SEPSECS: variants seen among roughly 807,000 people sequenced by gnomAD.
SEPSECS encodes O-phosphoseryl-tRNA(Sec) selenium transferase.
A neutral mutation model predicts 52.1 loss-of-function variants in SEPSECS; 42 were observed. The ratio of observed to expected loss-of-function variants is 0.81; its 90% CI spans 0.63 to 1.04. SEPSECS has a LOEUF of 1.04. SEPSECS is among the 50% of genes least tolerant of loss of function. The probability of loss-of-function intolerance (pLI) is 0.00; values close to 1 mark genes in which losing one functional copy is unlikely to be tolerated. For synonymous variants in SEPSECS, 216 were observed against 211.4 expected (o/e 1.02, Z -0.19); for missense variants, 590 against 610.6 (o/e 0.97, Z 0.36).
At position 25,156,178 on chromosome 4, in the gene SEPSECS, T is replaced by C. The variant is rs750746886; in HGVS notation, c.406A>G (p.Asn136Asp). ...IKLAGVHTVA[N>D]CFVVPMATGM... Reference sequence around the variant, plus strand: ...GTTGCCATAGGAACTACAAAGCAGTTGGCTACTGTATGGACACCTACAAAT... The same window carrying C: ...GTTGCCATAGGAACTACAAAGCAGTCGGCTACTGTATGGACACCTACAAAT... The change falls in exon 4 of 11, where the codon AAC becomes GAC. Residue 136 changes from asparagine (N) to aspartate (D), a missense_variant. Physicochemically the swap from Asn to Asp is conservative, Grantham distance 23. Coordinates refer to ENST00000382103, the MANE Select transcript of SEPSECS (RefSeq NM_016955.4). 1.2e-6 allele frequency: 2 copies of C among 1,613,950 alleles called. No homozygotes were observed. Among genetic ancestry groups the C allele is most frequent in the Non-Finnish European group, 1.7e-6 (2 of 1,179,982 alleles).
chr4:25,160,349 C>T lies in SEPSECS; in HGVS notation c.21G>A (p.Ala7=), dbSNP rs1210264987. The change falls in exon 1 of 11, where the codon GCG becomes GCA. Residue 7 remains alanine (A), a synonymous_variant. Coordinates refer to ENST00000382103, the MANE Select transcript of SEPSECS (RefSeq NM_016955.4). The part of the protein sequence containing the change: MNRESF[A]AGERLVSPAY... ...CCGGCGACACCAGCCGCTCTCCCGC[C>T]GCGAAGCTCTCGCGGTTCATGACAG... The T allele has an allele frequency of 6.5e-7, 1 of 1,548,704 alleles. No individual in the cohort carries two copies. Among genetic ancestry groups the T allele is most frequent in the Non-Finnish European group, 8.7e-7 (1 of 1,145,542 alleles).
At chr4:25,128,115 C>T (rs1041005648) in intron 8 of SEPSECS, among the ~76,000 whole-genome samples, 1 of 152,132 alleles carries the variant, frequency 6.6e-6, no homozygotes, top group Non-Finnish European at 1.5e-5. Context: ...TATTTTGGTT[C>T]CTTCACTATA....
intron 8 of SEPSECS, among the ~76,000 whole-genome samples, chr4:25,139,247 G>T (rs1728961580): frequency 6.6e-6 from 1 of 152,098 alleles, no homozygotes; most frequent in Non-Finnish European, 1.5e-5. Context: ...TGTGGATTTA[G>T]CTTTAGGGCC....
rs1482539393 is a variant in SEPSECS, at chr4:25,123,480, T to A, written c.*451A>T. The A allele has an allele frequency of 5.7e-6, 1 of 175,172 alleles. No individual in the cohort carries two copies. The highest frequency in any genetic ancestry group is 1.2e-5 in the Non-Finnish European group (1 of 81,116). The allele number at this position is 175,172 out of a possible 1,614,324, so 10.9% of individuals were successfully genotyped here. On this transcript the variant is annotated 3_prime_UTR_variant, in exon 11 of 11. Coordinates refer to ENST00000382103, the MANE Select transcript of SEPSECS (RefSeq NM_016955.4). The stretch of plus-strand genomic sequence containing the variant: ...ACCTTGACTCTGCTTCCTTGGGGAA[T>A]GCCCATTTTACAGGCACACTGTGAC...
At position 25,120,499 on chromosome 4, in the gene SEPSECS, TA is replaced by T. The variant is rs879443568; in HGVS notation, c.*3431del. 4.6e-5 allele frequency: 7 copies of T among 152,198 alleles called. No individual in the cohort carries two copies. Among genetic ancestry groups the T allele is most frequent in the Non-Finnish European group, 7.4e-5 (5 of 68,010 alleles). The allele number at this position is 152,198 out of a possible 1,614,324, so 9.4% of individuals were successfully genotyped here. Reference sequence around the variant, plus strand: ...AAAACTGACTAATAGAACCTTTTCTTAAAAAGCTGTTAATAGCATATTCAAT... The same window carrying T: ...AAAACTGACTAATAGAACCTTTTCTTAAAAGCTGTTAATAGCATATTCAAT... On this transcript the variant is annotated 3_prime_UTR_variant, in exon 11 of 11. Transcript: ENST00000382103.
intron 8 of SEPSECS, 148 bp from the exon 9 acceptor site, chr4:25,127,505 T>C: frequency 1.5e-6 from 1 of 649,092 alleles, no homozygotes; most frequent in East Asian, 2.7e-5. Context: ...CACAATACAG[T>C]GAAATTCAAA....
chr4:25,149,675 AG>A (rs75658433), intron 6 of SEPSECS, among the ~76,000 whole-genome samples: 11,830 of 152,144 alleles, frequency 0.078, 596 homozygotes, highest in African/African-American at 0.14. Context: ...TTAAAAGGAG[AG>A]AAGCTGCTAA....
intron 4 of SEPSECS, 76 bp from the exon 5 acceptor site, chr4:25,155,227 G>T: frequency 6.9e-7 from 1 of 1,459,160 alleles, no homozygotes; most frequent in Non-Finnish European, 9.5e-7. Flanking sequence ...TAGGAAGCAT[G>T]CTATTCTACA....
intron 8 of SEPSECS, among the ~76,000 whole-genome samples, chr4:25,138,493 T>A (rs1728934053): frequency 6.6e-6 from 1 of 151,254 alleles, no homozygotes; most frequent in African/African-American, 2.4e-5. Flanking sequence ...AAAATAAATT[T>A]ATGATTTTAG....
In SEPSECS at chr4:25,120,436, T is replaced by C. The variant is rs1010564835; in HGVS notation, c.*3495A>G. 1.3e-5 allele frequency: 2 copies of C among 152,130 alleles called. No individual in the cohort carries two copies. Among genetic ancestry groups the C allele is most frequent in the African/African-American group, 4.8e-5 (2 of 41,440 alleles). 9.4% of individuals were successfully genotyped at this position (152,130 alleles called of 1,614,324 possible). On this transcript the variant is annotated 3_prime_UTR_variant, in exon 11 of 11. Coordinates refer to ENST00000382103, the MANE Select transcript of SEPSECS (RefSeq NM_016955.4). The stretch of plus-strand genomic sequence containing the variant: ...TAGGTCTGTTTACTAAGATTGGCCA[T>C]AAGAGACATTAACCAACATAATATG...
intron 2 of SEPSECS, among the ~76,000 whole-genome samples, chr4:25,158,347 G>A (rs1712814939): frequency 6.6e-6 from 1 of 152,168 alleles, no homozygotes; most frequent in Non-Finnish European, 1.5e-5. Context: ...ACACTTCACA[G>A]AAAGGTTAGT....
chr4:25,121,987 T>G lies in SEPSECS; in HGVS notation c.*1944A>C, dbSNP rs1379656361. ...GGCTTACATGTATAGCAAGCTGCAC[T>G]GCCAGCATTTACATTTGCAACAACA... is the stretch of plus-strand genomic sequence containing the variant. On this transcript the variant is annotated 3_prime_UTR_variant, in exon 11 of 11. Transcript: ENST00000382103. The G allele has an allele frequency of 6.6e-6, 1 of 152,182 alleles. No individual in the cohort carries two copies. Among genetic ancestry groups the G allele is most frequent in the Admixed American group, 6.6e-5 (1 of 15,250 alleles). 9.4% of individuals were successfully genotyped at this position (152,182 alleles called of 1,614,324 possible).
chr4:25,152,142 T>G lies in SEPSECS; in HGVS notation c.702-80A>C, dbSNP rs952031084. ...ATAGTGCAGAAAGTTTTTTAAAAAT[T>G]TAATAGTTATCCTTAATGTACACCA... is the stretch of plus-strand genomic sequence containing the variant. On this transcript the variant is annotated intron_variant, in intron 5 of 10. Coordinates refer to ENST00000382103, the MANE Select transcript of SEPSECS (RefSeq NM_016955.4). 7.0e-6 allele frequency: 6 copies of G among 857,304 alleles called. No homozygotes were observed. The Admixed American group carries it at 9.2e-5, about 13-fold the overall frequency. 53.1% of individuals were successfully genotyped at this position (857,304 alleles called of 1,614,324 possible).
At chr4:25,160,205 G>C (rs1465892713) in intron 1 of SEPSECS, 51 bp downstream of exon 1, 2 of 1,545,154 alleles carry the variant, frequency 1.3e-6, no homozygotes, top group Non-Finnish European at 8.7e-7. Flanking sequence ...GCCCGGCGGA[G>C]CCAGAGCCCC....
In SEPSECS at chr4:25,124,215, G is replaced by A. The variant is rs752082832; in HGVS notation, c.1222C>T (p.Leu408Phe). 7 of 1,613,156 alleles carry A rather than the reference G, an allele frequency of 4.3e-6. No individual in the cohort carries two copies. The highest frequency in any genetic ancestry group is 1.7e-5 in the Admixed American group (1 of 59,872). The change falls in exon 11 of 11, where the codon CTT becomes TTT. Residue 408 changes from leucine (L) to phenylalanine (F), a missense_variant. Transcript: ENST00000382103. ...CCACTCACAGTTTGCATGGACCCAA[G>A]AGGCACAACCCTGAAAGAAGAAAGA... ...RQVSGARVVPLGSMQTVSGYT... is the reference protein window; with the variant it reads ...RQVSGARVVPFGSMQTVSGYT...
At chr4:25,127,109 CCTAA>C (rs1399097614) in intron 9 of SEPSECS, among the ~76,000 whole-genome samples, 151 bp downstream of exon 9, 1 of 152,058 alleles carries the variant, frequency 6.6e-6, no homozygotes, top group Non-Finnish European at 1.5e-5. Context: ...ATTTCAAAAG[CCTAA>C]CTAAACTTTT....
intron 8 of SEPSECS, among the ~76,000 whole-genome samples, chr4:25,143,687 TG>T (rs1711753843): frequency 6.6e-6 from 1 of 152,168 alleles, no homozygotes. Flanking sequence ...GAAGGAAGAC[TG>T]GGGTAAAACA....
intron 9 of SEPSECS, among the ~76,000 whole-genome samples, chr4:25,126,232 C>T (rs999274043): frequency 4.6e-5 from 7 of 152,048 alleles, no homozygotes; most frequent in African/African-American, 1.5e-4. Context: ...TAGCACCACT[C>T]GTAGCTACCA....
At chr4:25,126,952 G>A (rs34898725) in intron 9 of SEPSECS, among the ~76,000 whole-genome samples, 5 of 152,224 alleles carry the variant, frequency 3.3e-5, no homozygotes, top group Admixed American at 3.3e-4. Flanking sequence ...CACCAAACCC[G>A]ACCTGGAGAA....
Sources: gnomAD v4.1 joint callset for allele counts (sites outside exome capture counted in the v4.1 genomes callset) on GRCh38, gnomAD v4.1.1 for gene constraint, MANE v1.5 for transcripts, NCBI Gene and HGNC (gene_info 2026-07-23, HGNC 2026-07-21) for gene names.